Variants in CDK17 observed in about 807,000 individuals in gnomAD.
CDK17 encodes the protein cyclin-dependent kinase 17.
A neutral mutation model predicts 77.6 loss-of-function variants in CDK17; 24 were observed. That is an observed-to-expected ratio of 0.31 (90% CI 0.22 to 0.44). CDK17 has a LOEUF of 0.44. Ranked by LOEUF, CDK17 falls within the 20% of genes least tolerant of loss-of-function variation. CDK17 has a pLI of 1.00. For synonymous variants in CDK17, 203 were observed against 210.4 expected, an observed-to-expected ratio of 0.96 and a Z score of 0.30; for missense variants, 429 against 622.5, an observed-to-expected ratio of 0.69 and a Z score of 3.31.
At chr12:96,396,880 A>G (rs926255666) in intron 1 of CDK17, among the ~76,000 whole-genome samples, 3 of 152,230 alleles carry the variant, frequency 2.0e-5, no homozygotes, top group African/African-American at 7.2e-5. Flanking sequence ...AAACATCAAT[A>G]AAGATTCAAA....
At chr12:96,390,559 A>C (rs1954050849) in intron 1 of CDK17, among the ~76,000 whole-genome samples, 2 of 149,708 alleles carry the variant, frequency 1.3e-5, no homozygotes, top group Admixed American at 1.3e-4. Flanking sequence ...AAATACAAAG[A>C]TTAGCCAGAC....
chr12:96,313,255 T>C lies in CDK17; in HGVS notation c.417+66A>G, dbSNP rs1565815210. On this transcript the variant is annotated intron_variant, in intron 4 of 16. Coordinates refer to ENST00000261211, the MANE Select transcript of CDK17 (RefSeq NM_002595.5). ...AAATGGGCATTTACTCCACTTGATA[T>C]GTATGTGTATTAACATATACCAACA... 8.6e-6 allele frequency: 11 copies of C among 1,280,484 alleles called. No homozygotes were observed. The East Asian group carries it at 1.1e-4, about 13-fold the overall frequency. The allele number at this position is 1,280,484 out of a possible 1,614,324, so 79.3% of individuals were successfully genotyped here.
At chr12:96,289,414 C>T (rs1746236822) in intron 10 of CDK17, 127 bp from the exon 11 acceptor site, 2 of 953,956 alleles carry the variant, frequency 2.1e-6, no homozygotes, top group African/African-American at 1.6e-5. Context: ...TGAGGCTTCA[C>T]CACTATTAAC....
intron 2 of CDK17, among the ~76,000 whole-genome samples, chr12:96,325,421 C>T (rs1369615575): frequency 2.0e-5 from 3 of 152,218 alleles, no homozygotes; most frequent in Admixed American, 6.5e-5. Flanking sequence ...GACAGGTTGA[C>T]AGGAGTTGGC....
At chr12:96,381,206 T>C (rs1488065024) in intron 1 of CDK17, among the ~76,000 whole-genome samples, 3 of 152,222 alleles carry the variant, frequency 2.0e-5, no homozygotes, top group African/African-American at 7.2e-5. Flanking sequence ...TATGGTCTCC[T>C]TGGAAATCCA....
At chr12:96,359,493 C>A (rs1459811598) in intron 1 of CDK17, among the ~76,000 whole-genome samples, 2 of 152,192 alleles carry the variant, frequency 1.3e-5, no homozygotes, top group African/African-American at 4.8e-5. Flanking sequence ...ACTGTCTATA[C>A]AAACTCACTC....
chr12:96,284,130 GA>G (rs994685175), intron 13 of CDK17, among the ~76,000 whole-genome samples: 5 of 152,184 alleles, frequency 3.3e-5, no homozygotes, highest in African/African-American at 4.8e-5. Context: ...CCGGGTACTA[GA>G]AGGTATTGAG....
At chr12:96,316,312 C>G (rs1952716803) in intron 3 of CDK17, among the ~76,000 whole-genome samples, 1 of 152,012 alleles carries the variant, frequency 6.6e-6, no homozygotes, top group South Asian at 2.1e-4. Context: ...CCTACGCCCA[C>G]GGAGTCTTGC....
intron 15 of CDK17, 118 bp from the exon 16 acceptor site, chr12:96,281,003 G>T: frequency 1.2e-6 from 1 of 825,778 alleles, no homozygotes; most frequent in Non-Finnish European, 1.8e-6. Context: ...ATTTTACAAG[G>T]TGATAGCCCT....
At position 96,346,636 on chromosome 12, in the gene CDK17, G is replaced by C. The variant is rs566787758; in HGVS notation, c.-29-11771C>G. On this transcript the variant is annotated intron_variant, in intron 1 of 16. Coordinates refer to ENST00000261211, the MANE Select transcript of CDK17 (RefSeq NM_002595.5). Reference sequence around the variant, plus strand: ...AGAGCAAAACTCCACTAAAAAAAAGGCCGGGCATGGTGGCTCACGCCTGTA... The same window carrying C: ...AGAGCAAAACTCCACTAAAAAAAAGCCCGGGCATGGTGGCTCACGCCTGTA... Among the ~76,000 whole-genome samples, 45 of 148,864 alleles carry C rather than the reference G, an allele frequency of 3.0e-4. 1 individual carries two copies. In the East Asian group the frequency reaches 7.9e-3, roughly 26 times the overall value.
intron 1 of CDK17, among the ~76,000 whole-genome samples, chr12:96,398,746 T>G (rs1198925230): frequency 2.0e-5 from 3 of 152,196 alleles, no homozygotes; most frequent in Non-Finnish European, 4.4e-5. Flanking sequence ...TTGCTGACCC[T>G]AGGAATGGCC....
intron 1 of CDK17, among the ~76,000 whole-genome samples, chr12:96,367,197 T>G (rs1403822873): frequency 6.6e-6 from 1 of 151,498 alleles, no homozygotes; most frequent in Non-Finnish European, 1.5e-5. Flanking sequence ...ACAAAAAAAT[T>G]AGCTGGGTGT....
chr12:96,320,538 C>T (rs1453817576), intron 3 of CDK17, among the ~76,000 whole-genome samples: 3,422 of 146,906 alleles, frequency 0.023, 64 homozygotes, highest in Non-Finnish European at 0.034. Flanking sequence ...GGAGGCATCA[C>T]GCTACCTGAC....
intron 1 of CDK17, among the ~76,000 whole-genome samples, chr12:96,338,731 TG>T (rs1953081425): frequency 6.6e-6 from 1 of 151,874 alleles, no homozygotes; most frequent in African/African-American, 2.4e-5. Flanking sequence ...ACTTTTTTTT[TG>T]GTGAGCGATA....
intron 1 of CDK17, among the ~76,000 whole-genome samples, chr12:96,370,497 A>C (rs1953673354): frequency 6.6e-6 from 1 of 152,228 alleles, no homozygotes; most frequent in South Asian, 2.1e-4. Flanking sequence ...GAGCAAGATC[A>C]AAAGTAGGAT....
intron 3 of CDK17, among the ~76,000 whole-genome samples, chr12:96,318,033 T>A (rs1010113728): frequency 2.6e-4 from 40 of 152,100 alleles, no homozygotes; most frequent in African/African-American, 9.4e-4. Context: ...GACTCATCAG[T>A]GTGCTGTATT....
At chr12:96,384,378 C>G (rs752817377) in intron 1 of CDK17, among the ~76,000 whole-genome samples, 1 of 152,136 alleles carries the variant, frequency 6.6e-6, no homozygotes, top group Non-Finnish European at 1.5e-5. Flanking sequence ...AACTGAACTA[C>G]CATTCAATTC....
At chr12:96,305,573 CAGAT>C (rs1306536385) in intron 5 of CDK17, among the ~76,000 whole-genome samples, 2 of 152,184 alleles carry the variant, frequency 1.3e-5, no homozygotes, top group South Asian at 2.1e-4. Flanking sequence ...ATAGGGATAA[CAGAT>C]AGTCTTAAGC....
At chr12:96,286,214 T>C (rs1592704520) in intron 12 of CDK17, 66 bp from the exon 13 acceptor site, 8 of 360,000 alleles carry the variant, frequency 2.2e-5, no homozygotes, top group Non-Finnish European at 3.2e-5. Context: ...AAAAATTATA[T>C]ACACATATAT....
Sources: gnomAD v4.1 joint callset for allele counts (sites outside exome capture counted in the v4.1 genomes callset) on GRCh38, gnomAD v4.1.1 for gene constraint, MANE v1.5 for transcripts, NCBI Gene and HGNC (gene_info 2026-07-23, HGNC 2026-07-21) for gene names.